The following PPFIA2 variants were observed in gnomAD, a reference collection of about 807,000 sequenced individuals.
The protein encoded by PPFIA2 is liprin-alpha-2.
In PPFIA2, 46 loss-of-function variants were observed where a neutral mutation model predicts 175.5. The observed-to-expected ratio is 0.26, with a 90% CI of 0.21 to 0.34. PPFIA2 has a LOEUF of 0.34. Among genes scored for constraint, PPFIA2 ranks in the 10% least tolerant of loss-of-function variants. The probability of loss-of-function intolerance (pLI) is 1.00; values close to 1 mark genes in which losing one functional copy is unlikely to be tolerated. For synonymous variants in PPFIA2, 568 were observed against 511.4 expected (o/e 1.11, Z -1.49); for missense variants, 1,179 against 1,506.1 (o/e 0.78, Z 3.60).
At chr12:81,319,820 T>A (rs979875935) in intron 22 of PPFIA2, among the ~76,000 whole-genome samples, 2 of 151,940 alleles carry the variant, frequency 1.3e-5, no homozygotes, top group Non-Finnish European at 2.9e-5. Flanking sequence ...CTGTGAGATA[T>A]CCTGGCTCTG....
chr12:81,613,297 C>CA (rs2061116172), intron 4 of PPFIA2, among the ~76,000 whole-genome samples: 1 of 152,124 alleles, frequency 6.6e-6, no homozygotes, highest in South Asian at 2.1e-4. Context: ...TTTATAAACA[C>CA]AAAAAGAGTT....
At chr12:81,676,986 T>C (rs2072648388) in intron 3 of PPFIA2, 142 bp from the exon 4 acceptor site, 1 of 460,792 alleles carries the variant, frequency 2.2e-6, no homozygotes, top group Non-Finnish European at 3.9e-6. Context: ...TTGGACACTG[T>C]AGTACTATAC....
At chr12:81,547,677 A>C (rs961405509) in intron 4 of PPFIA2, among the ~76,000 whole-genome samples, 2 of 152,202 alleles carry the variant, frequency 1.3e-5, no homozygotes, top group Non-Finnish European at 2.9e-5. Context: ...AAACAAAGAT[A>C]ACTGGGGAAT....
intron 3 of PPFIA2, among the ~76,000 whole-genome samples, chr12:81,721,672 A>G (rs1049030090): frequency 2.6e-5 from 4 of 151,296 alleles, no homozygotes; most frequent in Non-Finnish European, 5.9e-5. Context: ...ACGATGAGAA[A>G]AATATTATTT....
At chr12:81,362,866 A>T (rs988554364) in intron 14 of PPFIA2, 82 bp from the exon 15 acceptor site, 57 of 832,696 alleles carry the variant, frequency 6.8e-5, no homozygotes, top group Admixed American at 5.2e-5. Flanking sequence ...GATTTTTTTT[A>T]AAAAGGAAAA....
chr12:81,330,112 C>T (rs916292288), intron 21 of PPFIA2, among the ~76,000 whole-genome samples: 8 of 152,076 alleles, frequency 5.3e-5, no homozygotes, highest in African/African-American at 1.9e-4. Context: ...AATGGAGTCA[C>T]TATTGTTAAG....
Position 81,277,303 on chromosome 12 carries a change from G to A in PPFIA2, c.3310+14C>T. Reference sequence around the variant, plus strand: ...CAGAATAAAGGCATTTCATATGAAAGAAAGATATATTACCTTTTATTTCAT... The same window carrying A: ...CAGAATAAAGGCATTTCATATGAAAAAAAGATATATTACCTTTTATTTCAT... On this transcript the variant is annotated intron_variant, in intron 28 of 32. Coordinates refer to ENST00000549396, the MANE Select transcript of PPFIA2 (RefSeq NM_003625.5). 1.3e-6 allele frequency: 2 copies of A among 1,522,902 alleles called. No individual in the cohort carries two copies. Among genetic ancestry groups the A allele is most frequent in the Non-Finnish European group, 1.8e-6 (2 of 1,136,204 alleles). The allele number at this position is 1,522,902 out of a possible 1,614,324, so 94.3% of individuals were successfully genotyped here.
intron 18 of PPFIA2, among the ~76,000 whole-genome samples, chr12:81,346,976 C>A (rs2059176871): frequency 1.3e-5 from 2 of 151,860 alleles, no homozygotes; most frequent in South Asian, 4.2e-4. Flanking sequence ...GTTGCCCAGG[C>A]TGGAGTGCAG....
chr12:81,267,743 T>G (rs1367990502), intron 29 of PPFIA2, among the ~76,000 whole-genome samples, 169 bp downstream of exon 29: 2 of 151,696 alleles, frequency 1.3e-5, no homozygotes, highest in Non-Finnish European at 1.5e-5. Context: ...TTTTTTTTTT[T>G]TTTTGGCTAG....
At chr12:81,285,579 G>T (rs568232100) in intron 24 of PPFIA2, among the ~76,000 whole-genome samples, 1 of 151,876 alleles carries the variant, frequency 6.6e-6, no homozygotes, top group Non-Finnish European at 1.5e-5. Context: ...ACAACAAATG[G>T]TCTCATATGA....
chr12:81,650,112 C>G (rs1284849735), intron 4 of PPFIA2, among the ~76,000 whole-genome samples: 3 of 151,970 alleles, frequency 2.0e-5, no homozygotes, highest in African/African-American at 7.2e-5. Flanking sequence ...CAGATTCACG[C>G]CATTCTCCTG....
intron 3 of PPFIA2, among the ~76,000 whole-genome samples, chr12:81,704,714 A>G (rs1347356333): frequency 1.3e-5 from 2 of 152,066 alleles, no homozygotes; most frequent in Admixed American, 6.5e-5. Context: ...GAATTTTTCT[A>G]TAAGTTATAT....
At chr12:81,473,766 G>A (rs1019308426) in intron 4 of PPFIA2, among the ~76,000 whole-genome samples, 18 of 152,040 alleles carry the variant, frequency 1.2e-4, no homozygotes, top group Admixed American at 1.1e-3. Context: ...ACCAAAAATT[G>A]TCCAACTGCA....
At chr12:81,734,738 G>A (rs922349717) in intron 3 of PPFIA2, among the ~76,000 whole-genome samples, 8 of 151,702 alleles carry the variant, frequency 5.3e-5, no homozygotes, top group Non-Finnish European at 1.2e-4. Flanking sequence ...AGAATGCTAT[G>A]ATTTTAATAA....
At chr12:81,474,018 A>G (rs1024269311) in intron 4 of PPFIA2, among the ~76,000 whole-genome samples, 18 of 152,212 alleles carry the variant, frequency 1.2e-4, no homozygotes, top group South Asian at 4.1e-4. Context: ...CTTTAACAAT[A>G]TATTTCAAGA....
intron 21 of PPFIA2, among the ~76,000 whole-genome samples, chr12:81,333,498 C>G (rs1025750478): frequency 6.6e-6 from 1 of 152,144 alleles, no homozygotes; most frequent in Non-Finnish European, 1.5e-5. Flanking sequence ...AGGATGGATT[C>G]CATTGCTTGG....
intron 8 of PPFIA2, among the ~76,000 whole-genome samples, chr12:81,403,201 T>C (rs1228788601): frequency 4.6e-5 from 7 of 152,184 alleles, no homozygotes; most frequent in Non-Finnish European, 1.0e-4. Context: ...TGGCACACAA[T>C]TTCTTTTCTC....
intron 7 of PPFIA2, among the ~76,000 whole-genome samples, chr12:81,418,709 A>C (rs2045748234): frequency 6.6e-6 from 1 of 151,980 alleles, no homozygotes; most frequent in African/African-American, 2.4e-5. Context: ...CTTTAAGGAA[A>C]AAAAAACTGT....
intron 22 of PPFIA2, among the ~76,000 whole-genome samples, chr12:81,304,626 C>T (rs2048697120): frequency 6.6e-6 from 1 of 151,848 alleles, no homozygotes. Context: ...ATGTTTTAAG[C>T]AGAAACATAG....
Sources: allele counts gnomAD v4.1 joint callset (sites outside exome capture counted in the v4.1 genomes callset), GRCh38; gene constraint gnomAD v4.1.1; transcripts MANE v1.5; gene names NCBI Gene and HGNC (gene_info 2026-07-23, HGNC 2026-07-21).